Variants in LAMA1 observed in about 807,000 individuals in gnomAD.
LAMA1 encodes the protein laminin subunit alpha-1.
In LAMA1, 219 loss-of-function variants were observed where a neutral mutation model predicts 348.7. The ratio of observed to expected loss-of-function variants is 0.63; its 90% confidence interval spans 0.56 to 0.70. The LOEUF (loss-of-function observed/expected upper bound fraction) is 0.70, where lower values mean the gene tolerates loss of function less well. LAMA1 is among the 30% of genes least tolerant of loss of function. The pLI is 0.00. For missense variants in LAMA1, 3,744 were observed against 3,888.0 expected (o/e 0.96, Z 0.99); for synonymous variants, 1,487 against 1,491.0 (o/e 1.00, Z 0.06).
At chr18:7,012,725 G>A (rs531836168) in intron 23 of LAMA1, among the ~76,000 whole-genome samples, 12 of 149,308 alleles carry the variant, frequency 8.0e-5, no homozygotes, top group East Asian at 2.0e-4. Context: ...GGCTGGTCTC[G>A]AACTCCTGAC....
chr18:6,991,282 G>A (rs1455289258), intron 36 of LAMA1, among the ~76,000 whole-genome samples: 1 of 151,186 alleles, frequency 6.6e-6, no homozygotes, highest in Non-Finnish European at 1.5e-5. Context: ...TGTTGCTGGT[G>A]GCAGTGAACA....
At chr18:7,076,131 G>T (rs746072007) in intron 3 of LAMA1, among the ~76,000 whole-genome samples, 6 of 152,088 alleles carry the variant, frequency 3.9e-5, no homozygotes, top group Non-Finnish European at 5.9e-5. Flanking sequence ...AAAACAACTG[G>T]TAGTTGGCTA....
chr18:6,990,023 G>A (rs532886911), intron 36 of LAMA1, among the ~76,000 whole-genome samples: 2 of 152,322 alleles, frequency 1.3e-5, no homozygotes, highest in African/African-American at 4.8e-5. Context: ...CTAATGAAGA[G>A]TGCTGGGTTT....
intron 19 of LAMA1, among the ~76,000 whole-genome samples, chr18:7,019,133 G>A (rs1600397596): frequency 6.6e-6 from 1 of 151,334 alleles, no homozygotes; most frequent in Non-Finnish European, 1.5e-5. Flanking sequence ...TGGCACGTCC[G>A]TCCAATCCAA....
chr18:7,064,435 G>A (rs1363663143), intron 3 of LAMA1, among the ~76,000 whole-genome samples: 6 of 152,116 alleles, frequency 3.9e-5, no homozygotes, highest in Non-Finnish European at 7.3e-5. Context: ...AAACAGCTCC[G>A]AGGGGATGTT....
At chr18:7,088,770 T>C (rs2058227775) in intron 1 of LAMA1, among the ~76,000 whole-genome samples, 1 of 152,054 alleles carries the variant, frequency 6.6e-6, no homozygotes, top group Non-Finnish European at 1.5e-5. Flanking sequence ...AATCCTTCCA[T>C]CTCAGCCTCC....
At chr18:6,998,482 T>G (rs2057792822) in intron 32 of LAMA1, among the ~76,000 whole-genome samples, 1 of 152,164 alleles carries the variant, frequency 6.6e-6, no homozygotes, top group African/African-American at 2.4e-5. Context: ...CAGCATTCCC[T>G]TCCACAGCCT....
At chr18:7,035,426 A>AT (rs1362422281) in intron 13 of LAMA1, among the ~76,000 whole-genome samples, 167 of 150,050 alleles carry the variant, frequency 1.1e-3, no homozygotes, top group African/African-American at 4.0e-3. Context: ...TTTTACTTAA[A>AT]ATTTTTTTTT....
intron 3 of LAMA1, among the ~76,000 whole-genome samples, chr18:7,071,352 A>G (rs1004145026): frequency 3.9e-5 from 6 of 152,246 alleles, no homozygotes; most frequent in Non-Finnish European, 8.8e-5. Flanking sequence ...AAAAAATGCT[A>G]TAACCCATAT....
chr18:7,040,725 C>T (rs2058016820), intron 9 of LAMA1, among the ~76,000 whole-genome samples: 1 of 152,070 alleles, frequency 6.6e-6, no homozygotes, highest in South Asian at 2.1e-4. Context: ...ATAATGGCCC[C>T]AAAGTAGAAA....
At chr18:6,990,163 T>C (rs2057752389) in intron 36 of LAMA1, among the ~76,000 whole-genome samples, 1 of 152,212 alleles carries the variant, frequency 6.6e-6, no homozygotes, top group Non-Finnish European at 1.5e-5. Context: ...TAAACTTTCT[T>C]ATTGTATTTA....
chr18:7,089,176 C>T (rs578139071), intron 1 of LAMA1, among the ~76,000 whole-genome samples: 10 of 151,874 alleles, frequency 6.6e-5, no homozygotes, highest in South Asian at 2.1e-4. Flanking sequence ...GTCAGGAGTT[C>T]GAGACCACCA....
chr18:6,980,465 G>A (rs186373583), intron 42 of LAMA1, 56 bp downstream of exon 42: 3 of 1,134,734 alleles, frequency 2.6e-6, no homozygotes, highest in East Asian at 2.3e-5. Flanking sequence ...ATGTTCCTGA[G>A]TGATGCTTTT....
At chr18:6,987,929 T>G (rs1424448250) in intron 36 of LAMA1, among the ~76,000 whole-genome samples, 1 of 152,162 alleles carries the variant, frequency 6.6e-6, no homozygotes, top group Non-Finnish European at 1.5e-5. Flanking sequence ...TCCTTATTAT[T>G]AAATAAGATA....
At chr18:7,113,276 G>T (rs1346171267) in intron 1 of LAMA1, among the ~76,000 whole-genome samples, 1 of 152,218 alleles carries the variant, frequency 6.6e-6, no homozygotes, top group African/African-American at 2.4e-5. Context: ...CCATGTGCCA[G>T]GAAACATTAG....
intron 40 of LAMA1, 134 bp downstream of exon 40, chr18:6,982,965 G>T: frequency 8.5e-7 from 1 of 1,175,622 alleles, no homozygotes; most frequent in East Asian, 2.4e-5. Flanking sequence ...ATCATATGAT[G>T]ACAGAAGCCA....
chr18:7,064,996 G>A (rs905552076), intron 3 of LAMA1, among the ~76,000 whole-genome samples: 1 of 152,108 alleles, frequency 6.6e-6, no homozygotes, highest in African/African-American at 2.4e-5. Context: ...AGCACTTTGG[G>A]AGGGGGGCAG....
intron 3 of LAMA1, among the ~76,000 whole-genome samples, chr18:7,065,250 A>AAAAAAAAAAAAAAC (rs1467543523): frequency 8.0e-5 from 12 of 149,836 alleles, no homozygotes; most frequent in African/African-American, 2.8e-4. Flanking sequence ...AAAAAAAAAA[A>AAAAAAAAAAAAAAC]AAACAACGAC....
intron 1 of LAMA1, among the ~76,000 whole-genome samples, chr18:7,107,830 T>A (rs372255575): frequency 2.0e-5 from 3 of 150,998 alleles, no homozygotes; most frequent in African/African-American, 7.3e-5. Context: ...CTGGCTACCA[T>A]GGTGAAACCC....
Sources: gnomAD v4.1 joint callset for allele counts (sites outside exome capture counted in the v4.1 genomes callset) on GRCh38, gnomAD v4.1.1 for gene constraint, MANE v1.5 for transcripts, NCBI Gene and HGNC (gene_info 2026-07-23, HGNC 2026-07-21) for gene names.